DNAJC17: variants seen among roughly 807,000 people sequenced by gnomAD.
DNAJC17 encodes the protein dnaJ homolog subfamily C member 17.
A neutral mutation model predicts 48.1 loss-of-function variants in DNAJC17; 35 were observed. The observed-to-expected ratio is 0.73, with a 90% confidence interval of 0.56 to 0.96. DNAJC17 has a LOEUF of 0.96. Ranked by LOEUF, DNAJC17 falls within the 50% of genes least tolerant of loss-of-function variation. The pLI is 0.00. For missense variants in DNAJC17, 355 were observed against 377.1 expected, an observed-to-expected ratio of 0.94 and a Z score of 0.48; for synonymous variants, 117 against 142.7, an observed-to-expected ratio of 0.82 and a Z score of 1.28.
At chr15:40,802,316 C>T (rs896895604) in intron 1 of DNAJC17, among the ~76,000 whole-genome samples, 1 of 151,988 alleles carries the variant, frequency 6.6e-6, no homozygotes, top group Non-Finnish European at 1.5e-5. Context: ...ACTACAGGCA[C>T]GTGCCACCGC....
At position 40,765,655 on chromosome 15, in the gene DNAJC17, T is replaced by C. The variant is rs1888931323; in HGVS notation, c.*2285A>G. The C allele has an allele frequency of 2.0e-5, 8 of 401,288 alleles. No individual in the cohort carries two copies. In the East Asian group the frequency reaches 2.9e-4, roughly 15 times the overall value. The allele number at this position is 401,288 out of a possible 1,614,324, so 24.9% of individuals were successfully genotyped here. On this transcript the variant is annotated 3_prime_UTR_variant, in exon 11 of 11. Coordinates refer to ENST00000220496, the MANE Select transcript of DNAJC17 (RefSeq NM_018163.3). ...CGCCTACATTGCTCCTCCTGATCAT[T>C]GATGGGCTCCACCCCTTCACAGCTT...
In DNAJC17 at chr15:40,767,625, C is replaced by A. The variant is rs1161367002; in HGVS notation, c.*315G>T. On this transcript the variant is annotated 3_prime_UTR_variant, in exon 11 of 11. Transcript: ENST00000220496. ...AGGCCATGTTCCTCGGGCAGCTGCC[C>A]CGGGCCGGAGCTGGGCACTCCAGCG... The A allele has an allele frequency of 1.7e-5, 10 of 581,092 alleles. No homozygotes were observed. The highest frequency in any genetic ancestry group is 3.2e-5 in the East Asian group (1 of 31,168). 36.0% of individuals were successfully genotyped at this position (581,092 alleles called of 1,614,324 possible). A position where few individuals can be genotyped will look rare whatever the true frequency, so the allele number is the denominator to read the frequency against.
intron 1 of DNAJC17, among the ~76,000 whole-genome samples, chr15:40,802,136 A>C (rs913291798): frequency 8.0e-5 from 12 of 150,632 alleles, no homozygotes; most frequent in African/African-American, 2.7e-4. Flanking sequence ...CCAAGGAAGG[A>C]GCAGGTTTGG....
At chr15:40,777,421 A>C (rs16970997) in intron 4 of DNAJC17, among the ~76,000 whole-genome samples, 7,628 of 152,060 alleles carry the variant, frequency 0.05, 651 homozygotes, top group African/African-American at 0.18. Flanking sequence ...AACTTGAGTA[A>C]AGAATGCTTG....
chr15:40,767,686 CCAATAAAG>C lies in DNAJC17; in HGVS notation c.*246_*253del, dbSNP rs1888982770. Reference sequence around the variant, plus strand: ...GTGGCTCCTGCATAGCTAGCCCAAGCCAATAAAGGGCTGTGATGAGTGGCTGCGCCTGT... The same window carrying C: ...GTGGCTCCTGCATAGCTAGCCCAAGCGGCTGTGATGAGTGGCTGCGCCTGT... On this transcript the variant is annotated 3_prime_UTR_variant, in exon 11 of 11. Transcript: ENST00000220496. 1 of 612,738 alleles carries C rather than the reference CCAATAAAG, an allele frequency of 1.6e-6. No individual in the cohort carries two copies. Among genetic ancestry groups the C allele is most frequent in the African/African-American group, 1.9e-5 (1 of 52,486 alleles). The allele number at this position is 612,738 out of a possible 1,614,324, so 38.0% of individuals were successfully genotyped here. A position where few individuals can be genotyped will look rare whatever the true frequency, so the allele number is the denominator to read the frequency against.
At chr15:40,778,624 T>C (rs1203696276) in intron 4 of DNAJC17, among the ~76,000 whole-genome samples, 1 of 152,158 alleles carries the variant, frequency 6.6e-6, no homozygotes, top group Admixed American at 6.5e-5. Context: ...TTTGGTGCCT[T>C]AGCTCCTTTG....
rs372816961 is a variant in DNAJC17 at position 40,779,172 on chromosome 15, G to C, written c.295+51C>G. On this transcript the variant is annotated intron_variant, in intron 4 of 10. Transcript: ENST00000220496. ...GAAGCTTCAGGTGAGGGAGATGAAT[G>C]AAAATGACCACAGGAAACCACAGGC... 191 of 1,569,430 alleles carry C rather than the reference G, an allele frequency of 1.2e-4. 3 individuals carry two copies. The South Asian group carries it at 1.9e-3, about 16-fold the overall frequency.
Position 40,770,802 on chromosome 15 carries a change from A to G in DNAJC17, c.793-2740T>C. On this transcript the variant is annotated intron_variant, in intron 10 of 10. Coordinates refer to ENST00000220496, the MANE Select transcript of DNAJC17 (RefSeq NM_018163.3). The surrounding 1 kb of genome is among the most constrained non-coding windows in gnomAD (Gnocchi z 5.0). ...CATCCTGGAGCCCCCACCTGCCTAC[A>G]CAGCAGCCTACTCTGCCACCCTGCC... 1 of 1,549,574 alleles carries G rather than the reference A, an allele frequency of 6.5e-7. No homozygotes were observed. The highest frequency in any genetic ancestry group is 8.7e-7 in the Non-Finnish European group (1 of 1,146,874).
rs764616321 is a variant in DNAJC17, at chr15:40,767,259, A to C, written c.*681T>G. The C allele has an allele frequency of 8.8e-6, 14 of 1,594,838 alleles. No individual in the cohort carries two copies. Among genetic ancestry groups the C allele is most frequent in the Admixed American group, 1.7e-5 (1 of 57,690 alleles). On this transcript the variant is annotated 3_prime_UTR_variant, in exon 11 of 11. Transcript: ENST00000220496. ...ACTACGTCGATGACCCTCCCCGCAT[A>C]GTCCTGGACAAGCTGGAACGCAGGG...
chr15:40,765,980 C>T lies in DNAJC17; in HGVS notation c.*1960G>A. 1 of 817,946 alleles carries T rather than the reference C, an allele frequency of 1.2e-6. No individual in the cohort carries two copies. The highest frequency in any genetic ancestry group is 1.9e-6 in the Non-Finnish European group (1 of 517,860). 50.7% of individuals were successfully genotyped at this position (817,946 alleles called of 1,614,324 possible). On this transcript the variant is annotated 3_prime_UTR_variant, in exon 11 of 11. Transcript: ENST00000220496. Reference sequence around the variant, plus strand: ...GCCAGCCCCTAGACCTGCCTCTGCTCCCTTTATACAACCTCCAAGCCCAGG... The same window carrying T: ...GCCAGCCCCTAGACCTGCCTCTGCTTCCTTTATACAACCTCCAAGCCCAGG...
At chr15:40,779,829 G>T in intron 2 of DNAJC17, 99 bp downstream of exon 2, 1 of 1,386,690 alleles carries the variant, frequency 7.2e-7, no homozygotes, top group Non-Finnish European at 1.0e-6. Context: ...GGCAATGTGT[G>T]CTTACACCCC....
At chr15:40,774,978 G>T in intron 8 of DNAJC17, 53 bp downstream of exon 8, 2 of 1,583,994 alleles carry the variant, frequency 1.3e-6, no homozygotes, top group Non-Finnish European at 8.7e-7. Context: ...CTAGGGTGTG[G>T]ACTGAGACGT....
chr15:40,768,107 C>T, intron 10 of DNAJC17, 45 bp from the exon 11 acceptor site: 2 of 1,496,438 alleles, frequency 1.3e-6, no homozygotes, highest in Non-Finnish European at 1.8e-6. Flanking sequence ...GACAGCAGGG[C>T]ACAGCCTCAC....
At chr15:40,789,457 T>G (rs1889734350) in intron 1 of DNAJC17, among the ~76,000 whole-genome samples, 1 of 151,974 alleles carries the variant, frequency 6.6e-6, no homozygotes, top group Non-Finnish European at 1.5e-5. Flanking sequence ...GATACCACCC[T>G]GCTCTCTGGC....
intron 1 of DNAJC17, among the ~76,000 whole-genome samples, chr15:40,787,738 C>T (rs553869048): frequency 5.3e-5 from 8 of 152,090 alleles, no homozygotes; most frequent in African/African-American, 1.2e-4. Context: ...TGGGTTTTGC[C>T]GCAAGCACAC....
chr15:40,789,925 A>G (rs1889750425), intron 1 of DNAJC17, among the ~76,000 whole-genome samples: 1 of 150,166 alleles, frequency 6.7e-6, no homozygotes. Flanking sequence ...AAAAAAAAAA[A>G]AAAAAAGAAA....
chr15:40,768,156 A>G (rs1792180914), intron 10 of DNAJC17, 94 bp from the exon 11 acceptor site: 3 of 1,400,824 alleles, frequency 2.1e-6, no homozygotes, highest in African/African-American at 1.5e-5. Flanking sequence ...CTGCGTTCTA[A>G]GAGTCTCGGA....
At chr15:40,778,007 C>T (rs932895603) in intron 4 of DNAJC17, among the ~76,000 whole-genome samples, 1 of 151,952 alleles carries the variant, frequency 6.6e-6, no homozygotes, top group Admixed American at 6.6e-5. Context: ...AGTGAAAAGT[C>T]TGGGTAGGAA....
At chr15:40,793,446 A>G (rs1170855466) in intron 1 of DNAJC17, among the ~76,000 whole-genome samples, 4 of 151,934 alleles carry the variant, frequency 2.6e-5, no homozygotes, top group Admixed American at 2.6e-4. Flanking sequence ...ATGGTGAGAA[A>G]CTCCATTCAT....
Sources: allele counts gnomAD v4.1 joint callset (sites outside exome capture counted in the v4.1 genomes callset), GRCh38; gene constraint gnomAD v4.1.1; non-coding constraint Gnocchi (gnomAD v3.1); transcripts MANE v1.5; gene names NCBI Gene and HGNC (gene_info 2026-07-23, HGNC 2026-07-21).